CFAP221: variants seen among roughly 807,000 people sequenced by gnomAD.
CFAP221 encodes cilia and flagella associated protein 221, also known as cilia- and flagella-associated protein 221.
In CFAP221, 97 loss-of-function variants were observed where a neutral mutation model predicts 113.1. That is an observed-to-expected ratio of 0.86 (90% confidence interval 0.73 to 1.02). The LOEUF (loss-of-function observed/expected upper bound fraction) is 1.02. Ranked by LOEUF, CFAP221 falls within the 50% of genes least tolerant of loss-of-function variation. The pLI is 0.00. For missense variants in CFAP221, 1,025 were observed against 1,013.4 expected, an observed-to-expected ratio of 1.01 and a Z score of -0.16; for synonymous variants, 331 against 354.4, an observed-to-expected ratio of 0.93 and a Z score of 0.74.
chr2:119,586,760 T>C (rs1182257769), intron 6 of CFAP221: 1 of 163,348 alleles, frequency 6.1e-6, no homozygotes, highest in African/African-American at 2.4e-5. Flanking sequence ...AAAATAAACT[T>C]AACAGTACTC....
At chr2:119,582,315 C>G (rs1306655951) in intron 6 of CFAP221, among the ~76,000 whole-genome samples, 1 of 152,082 alleles carries the variant, frequency 6.6e-6, no homozygotes, top group Admixed American at 6.6e-5. Context: ...GCTAAAACTA[C>G]AACTCAACAT....
intron 20 of CFAP221, 124 bp downstream of exon 20, chr2:119,638,541 G>A (rs1687260056): frequency 1.6e-6 from 2 of 1,248,436 alleles, no homozygotes; most frequent in Admixed American, 3.8e-5. Flanking sequence ...GAACAAGAAT[G>A]GTAACACCGC....
chr2:119,609,759 G>A (rs190499807), intron 12 of CFAP221, among the ~76,000 whole-genome samples: 161 of 152,334 alleles, frequency 1.1e-3, no homozygotes, highest in African/African-American at 3.5e-3. Context: ...GGTAATGTGA[G>A]GTTCAGGTAG....
intron 15 of CFAP221, 153 bp downstream of exon 15, chr2:119,625,841 C>A: frequency 1.6e-6 from 1 of 613,092 alleles, no homozygotes; most frequent in Non-Finnish European, 2.9e-6. Context: ...ATCACTTGTG[C>A]CTTCTGCTTC....
intron 1 of CFAP221, 89 bp from the exon 2 acceptor site, chr2:119,545,996 A>T: frequency 1.0e-6 from 1 of 975,996 alleles, no homozygotes; most frequent in Non-Finnish European, 1.5e-6. Context: ...ACAGTAAACC[A>T]CACAGAGACG....
intron 20 of CFAP221, among the ~76,000 whole-genome samples, 197 bp downstream of exon 20, chr2:119,638,614 C>T (rs1178029368): frequency 6.6e-6 from 1 of 152,176 alleles, no homozygotes; most frequent in Non-Finnish European, 1.5e-5. Flanking sequence ...GTCCTGACCA[C>T]ACCTGCCTCT....
At chr2:119,652,141 T>C in intron 23 of CFAP221, 72 bp downstream of exon 23, 1 of 1,202,598 alleles carries the variant, frequency 8.3e-7, no homozygotes, top group South Asian at 1.4e-5. Flanking sequence ...AGTACAAAAG[T>C]GTCATGTTGT....
At chr2:119,608,375 T>C (rs1684918275) in intron 11 of CFAP221, 127 bp from the exon 12 acceptor site, 1 of 607,670 alleles carries the variant, frequency 1.6e-6, no homozygotes, top group Non-Finnish European at 2.8e-6. Flanking sequence ...AACTTCTCTA[T>C]CCCATGTGTC....
intron 2 of CFAP221, among the ~76,000 whole-genome samples, chr2:119,546,767 TGAGGTTCCTTCC>T (rs1278933234): frequency 6.6e-6 from 1 of 152,246 alleles, no homozygotes; most frequent in African/African-American, 2.4e-5. Context: ...TCTGGCTACA[TGAGGTTCCTTCC>T]TGTCCTTCGG....
intron 19 of CFAP221, among the ~76,000 whole-genome samples, chr2:119,637,370 C>T (rs1191726977): frequency 7.2e-5 from 11 of 152,112 alleles, no homozygotes; most frequent in South Asian, 2.1e-4. Context: ...CATCTGGGTG[C>T]CGGAATGCAT....
chr2:119,647,010 G>A lies in CFAP221; in HGVS notation c.2278G>A (p.Asp760Asn), dbSNP rs1347002052. The A allele has an allele frequency of 6.2e-7, 1 of 1,612,560 alleles. No homozygotes were observed. Among genetic ancestry groups the A allele is most frequent in the South Asian group, 1.1e-5 (1 of 91,002 alleles). ...MLPIDVPAIL[D>N]ALPEEDRLET... ...TCCGATAGACGTCCCTGCCATCCTT[G>A]ATGCCTTACCAGAAGAGGACAGACT... Residue 760 changes from aspartate to asparagine, a missense_variant, in exon 22 of 24, where the codon GAT becomes AAT. Coordinates refer to ENST00000413369, the MANE Select transcript of CFAP221 (RefSeq NM_001271049.2).
At chr2:119,640,862 G>A (rs907163512) in intron 21 of CFAP221, among the ~76,000 whole-genome samples, 1 of 152,246 alleles carries the variant, frequency 6.6e-6, no homozygotes, top group African/African-American at 2.4e-5. Context: ...TGTGACCTCA[G>A]CCATGCCCCT....
At chr2:119,560,663 T>C (rs543971203) in intron 5 of CFAP221, among the ~76,000 whole-genome samples, 1 of 152,304 alleles carries the variant, frequency 6.6e-6, no homozygotes, top group South Asian at 2.1e-4. Flanking sequence ...AAATTATTGA[T>C]GTTTCAAAAC....
At chr2:119,631,895 A>T (rs954546032) in intron 19 of CFAP221, among the ~76,000 whole-genome samples, 1 of 152,276 alleles carries the variant, frequency 6.6e-6, no homozygotes, top group African/African-American at 2.4e-5. Flanking sequence ...TTATGCCAGT[A>T]AATTTGATGA....
At chr2:119,566,198 G>C (rs1370440502) in intron 6 of CFAP221, among the ~76,000 whole-genome samples, 1 of 152,190 alleles carries the variant, frequency 6.6e-6, no homozygotes, top group African/African-American at 2.4e-5. Flanking sequence ...CCAGCAAAAG[G>C]AGGGTGTGGA....
intron 11 of CFAP221, among the ~76,000 whole-genome samples, chr2:119,606,444 TG>T (rs1309153579): frequency 2.0e-5 from 3 of 152,112 alleles, no homozygotes; most frequent in African/African-American, 7.2e-5. Flanking sequence ...GCTGCTCCCC[TG>T]TCTCTGGGGA....
intron 3 of CFAP221, among the ~76,000 whole-genome samples, chr2:119,551,955 C>T (rs1414498030): frequency 6.6e-6 from 1 of 152,118 alleles, no homozygotes; most frequent in Non-Finnish European, 1.5e-5. Context: ...GAGGAGGGCT[C>T]ACCTTCCTTA....
chr2:119,638,321 T>C lies in CFAP221; in HGVS notation c.2037T>C (p.Asp679=). 6.2e-7 allele frequency: 1 copy of C among 1,614,026 alleles called. No homozygotes were observed. Among genetic ancestry groups the C allele is most frequent in the African/African-American group, 1.3e-5 (1 of 75,020 alleles). ...TGACCTATGCAGAAACGTTGATAGA[T>C]TACCATCTATGCTCTCACCCCAAGT... ...HPLTYAETLI[D]YHLCSHPKYK... The change falls in exon 20 of 24, where the codon GAT becomes GAC. Residue 679 remains aspartate, a synonymous_variant. Coordinates refer to ENST00000413369, the MANE Select transcript of CFAP221 (RefSeq NM_001271049.2).
At chr2:119,589,682 A>G (rs146452479) in intron 7 of CFAP221, 44 of 152,352 alleles carry the variant, frequency 2.9e-4, no homozygotes, top group Non-Finnish European at 5.0e-4. Context: ...AATTTGAATC[A>G]AGCTATTAAT....
Sources: gnomAD v4.1 joint callset for allele counts (sites outside exome capture counted in the v4.1 genomes callset) on GRCh38, gnomAD v4.1.1 for gene constraint, MANE v1.5 for transcripts, NCBI Gene and HGNC (gene_info 2026-07-23, HGNC 2026-07-21) for gene names.